The following DPH6 variants were observed in gnomAD, a reference collection of about 807,000 sequenced individuals.
The protein encoded by DPH6 is diphthine--ammonia ligase.
Under a neutral mutation model 38.2 loss-of-function variants are expected in DPH6, and 33 were observed. The observed-to-expected ratio is 0.86, with a 90% CI of 0.65 to 1.15. The LOEUF is 1.15. Ranked by LOEUF, DPH6 falls within the 50% of genes most tolerant of loss-of-function variation. DPH6 has a pLI of 0.00. For missense variants in DPH6, 325 were observed against 320.0 expected (o/e 1.02, Z -0.12); for synonymous variants, 108 against 103.0 (o/e 1.05, Z -0.30).
intron 3 of DPH6, among the ~76,000 whole-genome samples, chr15:35,313,258 A>T (rs1343512341): frequency 1.3e-5 from 2 of 150,774 alleles, no homozygotes; most frequent in Non-Finnish European, 2.9e-5. Context: ...TTTTTTTTTA[A>T]ATCAGGTAGT....
intron 3 of DPH6, among the ~76,000 whole-genome samples, chr15:35,359,588 A>G (rs1290876294): frequency 6.6e-6 from 1 of 152,098 alleles, no homozygotes; most frequent in Middle Eastern, 3.2e-3. Flanking sequence ...TGGCTCTCCA[A>G]ATTGACTCAG....
intron 1 of DPH6, among the ~76,000 whole-genome samples, chr15:35,543,261 TA>T (rs1427688682): frequency 5.3e-4 from 4 of 7,618 alleles, no homozygotes; most frequent in African/African-American, 9.9e-4. Context: ...ATACACATAA[TA>T]TATATATATA....
At chr15:35,175,160 C>T in the DPH6 span, among the ~76,000 whole-genome samples, 1 of 152,164 alleles carries the variant, frequency 6.6e-6, no homozygotes, top group African/African-American at 2.4e-5. Flanking sequence ...GCAGTTTATG[C>T]TGGTAATACT....
chr15:35,463,382 T>TCTAA (rs3028966), intron 3 of DPH6, among the ~76,000 whole-genome samples: 2 of 152,152 alleles, frequency 1.3e-5, no homozygotes, highest in Non-Finnish European at 2.9e-5. Context: ...ACAAGTTATA[T>TCTAA]AAATATTTAT....
chr15:35,497,567 T>C (rs983558157), intron 3 of DPH6, among the ~76,000 whole-genome samples: 1 of 152,168 alleles, frequency 6.6e-6, no homozygotes, highest in African/African-American at 2.4e-5. Flanking sequence ...TATAACATGG[T>C]TGATTCACGA....
At chr15:35,497,964 C>T (rs1461580396) in intron 3 of DPH6, among the ~76,000 whole-genome samples, 1 of 152,058 alleles carries the variant, frequency 6.6e-6, no homozygotes, top group East Asian at 1.9e-4. Flanking sequence ...ATTGTTGACT[C>T]TTATTGAGCT....
At chr15:35,231,553 G>A (rs1311010738) in intron 3 of DPH6, among the ~76,000 whole-genome samples, 1 of 152,136 alleles carries the variant, frequency 6.6e-6, no homozygotes, top group Non-Finnish European at 1.5e-5. Context: ...TCCTTGTTGC[G>A]GGTGGACAAT....
At position 35,241,586 on chromosome 15, in the gene DPH6, A is replaced by G. The variant is rs1392489995; in HGVS notation, n.201-21004T>C. Among the ~76,000 whole-genome samples, 4 of 142,532 alleles carry G rather than the reference A, an allele frequency of 2.8e-5. 1 individual carries two copies. Among genetic ancestry groups the G allele is most frequent in the Non-Finnish European group, 6.1e-5 (4 of 65,222 alleles). The allele number at this position is 142,532 out of a possible 152,430, so 93.5% of individuals were successfully genotyped here. On this transcript the variant is annotated intron_variant and non_coding_transcript_variant, in intron 3 of 3. Transcript: ENST00000560386. ...GCTTCCCTGACTATTCCTGGATTATAGCCACATCTCATTGCTGCCCTTCTT... is the reference window on the plus strand; with the variant it reads ...GCTTCCCTGACTATTCCTGGATTATGGCCACATCTCATTGCTGCCCTTCTT...
chr15:35,359,490 C>T (rs1237423329), intron 3 of DPH6, among the ~76,000 whole-genome samples: 1 of 152,150 alleles, frequency 6.6e-6, no homozygotes, highest in Non-Finnish European at 1.5e-5. Context: ...CCATTGGATC[C>T]CTGTGGTGCC....
intron 5 of DPH6, among the ~76,000 whole-genome samples, chr15:35,440,545 C>A (rs952676638): frequency 5.3e-5 from 8 of 152,156 alleles, no homozygotes; most frequent in African/African-American, 9.6e-5. Flanking sequence ...CAAAACAGTA[C>A]CCCCTCTGTC....
intron 3 of DPH6, among the ~76,000 whole-genome samples, chr15:35,353,022 T>C (rs2140894500): frequency 6.6e-6 from 1 of 152,368 alleles, no homozygotes; most frequent in South Asian, 2.1e-4. Context: ...TGCATTTCTC[T>C]GATGGCCAGT....
chr15:35,215,491 C>A (rs1291277035), downstream of DPH6, among the ~76,000 whole-genome samples: 1 of 152,142 alleles, frequency 6.6e-6, no homozygotes, highest in Non-Finnish European at 1.5e-5. Context: ...TGGGCTCTTA[C>A]TCCCGTCTCA....
intron 6 of DPH6, among the ~76,000 whole-genome samples, chr15:35,387,503 CCT>C (rs2052983534): frequency 6.6e-6 from 1 of 152,136 alleles, no homozygotes; most frequent in Non-Finnish European, 1.5e-5. Flanking sequence ...TTGTTTGTAT[CCT>C]CTTTTATTTC....
intron 3 of DPH6, among the ~76,000 whole-genome samples, chr15:35,478,795 A>G (rs2054293271): frequency 6.6e-6 from 1 of 152,038 alleles, no homozygotes; most frequent in African/African-American, 2.4e-5. Context: ...GATTATTTTA[A>G]TAAGAGGATT....
intron 3 of DPH6, among the ~76,000 whole-genome samples, chr15:35,476,765 G>A (rs1413456732): frequency 6.6e-6 from 1 of 151,688 alleles, no homozygotes; most frequent in African/African-American, 2.4e-5. Context: ...AATTCCACTT[G>A]CCAGTAACAA....
chr15:35,490,104 C>T (rs1482663718), intron 3 of DPH6: 33 of 985,368 alleles, frequency 3.3e-5, no homozygotes, highest in Non-Finnish European at 4.0e-5. Flanking sequence ...CCAGGCTCAC[C>T]AGCTCTTTTT....
the DPH6 span, among the ~76,000 whole-genome samples, chr15:35,186,055 A>G: frequency 1.3e-5 from 2 of 152,058 alleles, no homozygotes; most frequent in African/African-American, 4.8e-5. Flanking sequence ...CATTTTATAC[A>G]AAGGAAACAA....
chr15:35,458,084 T>A (rs2054018529), intron 3 of DPH6, among the ~76,000 whole-genome samples: 1 of 152,232 alleles, frequency 6.6e-6, no homozygotes, highest in Non-Finnish European at 1.5e-5. Flanking sequence ...AGGTAAATGC[T>A]ATGTAAATAG....
At chr15:35,395,614 G>A (rs373071623) in intron 6 of DPH6, among the ~76,000 whole-genome samples, 101 of 151,990 alleles carry the variant, frequency 6.6e-4, no homozygotes, top group Non-Finnish European at 1.4e-3. Context: ...TTGTTGCCAC[G>A]ACCCATGTAG....
Sources: allele counts gnomAD v4.1 joint callset (sites outside exome capture counted in the v4.1 genomes callset), GRCh38; gene constraint gnomAD v4.1.1; transcripts MANE v1.5; gene names NCBI Gene and HGNC (gene_info 2026-07-23, HGNC 2026-07-21).